SEC14L5: variants seen among roughly 807,000 people sequenced by gnomAD.
The protein encoded by SEC14L5 is SEC14 like lipid binding 5, also known as SEC14-like protein 5.
A neutral mutation model predicts 84.6 loss-of-function variants in SEC14L5; 96 were observed. That is an observed-to-expected ratio of 1.13 (90% CI 0.96 to 1.34). The LOEUF (loss-of-function observed/expected upper bound fraction) is 1.34, where lower values mean the gene tolerates loss of function less well. SEC14L5 is among the 40% of genes most tolerant of loss of function. The pLI is 0.00. For missense variants in SEC14L5, 1,224 were observed against 942.5 expected (o/e 1.30, Z -3.91); for synonymous variants, 546 against 383.4 (o/e 1.42, Z -4.95).
intron 2 of SEC14L5, among the ~76,000 whole-genome samples, chr16:4,964,115 G>C (rs945353301): frequency 1.3e-5 from 2 of 152,204 alleles, no homozygotes; most frequent in Non-Finnish European, 2.9e-5. Flanking sequence ...GAGAGGGTCC[G>C]TCAGTCCTTT....
chr16:4,997,158 G>C (rs763620664), intron 8 of SEC14L5, 114 bp downstream of exon 8: 113 of 704,318 alleles, frequency 1.6e-4, no homozygotes, highest in Admixed American at 2.5e-4. Flanking sequence ...GAGTGCAGTG[G>C]TGCCATCTCG....
rs202039413 is a variant in SEC14L5 at position 4,996,848 on chromosome 16, C to G, written c.781-7C>G. 1.2e-6 allele frequency: 2 copies of G among 1,604,134 alleles called. No individual in the cohort carries two copies. Among genetic ancestry groups the G allele is most frequent in the Non-Finnish European group, 1.7e-6 (2 of 1,175,162 alleles). The stretch of plus-strand genomic sequence containing the variant: ...TTCTGTGGGCTTTTTACTTCTTTGT[C>G]TCTCAGATTCCCAAAGATGAGCACA... On this transcript the variant is annotated splice_region_variant and splice_polypyrimidine_tract_variant and intron_variant, in intron 7 of 15. Coordinates refer to ENST00000251170, the MANE Select transcript of SEC14L5 (RefSeq NM_014692.2).
chr16:4,983,322 TA>T (rs1955446274), intron 2 of SEC14L5, among the ~76,000 whole-genome samples: 1 of 151,646 alleles, frequency 6.6e-6, no homozygotes, highest in Admixed American at 6.6e-5. Flanking sequence ...CATGCCCATA[TA>T]TTTATATATG....
At chr16:4,995,532 G>A (rs886683416) in intron 6 of SEC14L5, among the ~76,000 whole-genome samples, 3 of 152,084 alleles carry the variant, frequency 2.0e-5, no homozygotes, top group African/African-American at 7.2e-5. Flanking sequence ...GTGTTTATCA[G>A]CCACCTCCTT....
At chr16:5,002,360 A>G (rs112581488) in intron 10 of SEC14L5, among the ~76,000 whole-genome samples, 2,957 of 145,446 alleles carry the variant, frequency 0.02, 91 homozygotes, top group African/African-American at 0.071. Context: ...ACAGTGGTGC[A>G]ATCTTGGCTC....
At chr16:4,971,251 G>A (rs2142482232) in intron 2 of SEC14L5, among the ~76,000 whole-genome samples, 2 of 152,340 alleles carry the variant, frequency 1.3e-5, no homozygotes, top group Admixed American at 1.3e-4. Flanking sequence ...GAGCCTAGGA[G>A]TTTGAGAGAC....
chr16:4,999,908 C>T (rs1955656385), intron 8 of SEC14L5, among the ~76,000 whole-genome samples: 1 of 152,008 alleles, frequency 6.6e-6, no homozygotes, highest in South Asian at 2.1e-4. Context: ...CAGTGAGACT[C>T]TGTCTCAAAA....
At position 5,019,019 on chromosome 16, in the gene SEC14L5, C is replaced by T. The variant is rs548658919; in HGVS notation, c.*4049C>T. The stretch of plus-strand genomic sequence containing the variant: ...TAAAACCCTGGAGGTTTCCCGTGGG[C>T]TCGTTCAAGAACTTTCCAGCTGTTG... On this transcript the variant is annotated 3_prime_UTR_variant, in exon 16 of 16. Transcript: ENST00000251170. The T allele has an allele frequency of 2.0e-5, 3 of 152,290 alleles. No homozygotes were observed. The East Asian group carries it at 5.8e-4, about 29-fold the overall frequency. 9.4% of individuals were successfully genotyped at this position (152,290 alleles called of 1,614,324 possible).
Position 5,018,123 on chromosome 16 carries a change from G to T in SEC14L5, c.*3153G>T, listed in dbSNP as rs1475506103. The T allele has an allele frequency of 6.6e-6, 1 of 152,308 alleles. No individual in the cohort carries two copies. The allele number at this position is 152,308 out of a possible 1,614,324, so 9.4% of individuals were successfully genotyped here. On this transcript the variant is annotated 3_prime_UTR_variant, in exon 16 of 16. Transcript: ENST00000251170. The stretch of plus-strand genomic sequence containing the variant: ...CCTCATCTGTAAAGTGAGGATAGCA[G>T]TGCCTACCTCAATAGGTTGTAGTGG...
intron 2 of SEC14L5, among the ~76,000 whole-genome samples, chr16:4,980,004 A>G (rs1407206403): frequency 6.6e-6 from 1 of 152,174 alleles, no homozygotes; most frequent in African/African-American, 2.4e-5. Flanking sequence ...GAGGCAGGAC[A>G]CAGTGATTCA....
At chr16:4,992,776 A>G (rs558538820) in intron 6 of SEC14L5, among the ~76,000 whole-genome samples, 1 of 152,368 alleles carries the variant, frequency 6.6e-6, no homozygotes, top group East Asian at 1.9e-4. Flanking sequence ...CCTAAAGGCT[A>G]ACAATAGTTT....
At chr16:4,963,989 C>G (rs1471341014) in intron 2 of SEC14L5, among the ~76,000 whole-genome samples, 1 of 152,228 alleles carries the variant, frequency 6.6e-6, no homozygotes, top group African/African-American at 2.4e-5. Context: ...GCTCAGCCTT[C>G]CTTTCTTTCT....
intron 2 of SEC14L5, among the ~76,000 whole-genome samples, chr16:4,973,224 C>T (rs1023888741): frequency 1.3e-5 from 2 of 152,238 alleles, no homozygotes; most frequent in African/African-American, 4.8e-5. Flanking sequence ...CTCCCCCACG[C>T]GCCGCCCTTG....
rs370892866 is a variant in SEC14L5 at position 5,014,978 on chromosome 16, C to T, written c.*8C>T. On this transcript the variant is annotated 3_prime_UTR_variant, in exon 16 of 16. Coordinates refer to ENST00000251170, the MANE Select transcript of SEC14L5 (RefSeq NM_014692.2). ...TCCCTGGTCTCCAGATAGCCGGGCC[C>T]AGTGTTTCAGGGCCGCCCGCTCGCC... is the stretch of plus-strand genomic sequence containing the variant. 1.0e-5 allele frequency: 16 copies of T among 1,601,182 alleles called. No homozygotes were observed. Among genetic ancestry groups the T allele is most frequent in the African/African-American group, 8.0e-5 (6 of 74,778 alleles).
chr16:5,012,601 A>G (rs947772332), intron 15 of SEC14L5, among the ~76,000 whole-genome samples: 6 of 152,310 alleles, frequency 3.9e-5, no homozygotes, highest in Non-Finnish European at 8.8e-5. Flanking sequence ...CCGTTTCCAC[A>G]CTGTGAGAAA....
chr16:5,012,229 G>A (rs902704869), intron 15 of SEC14L5, among the ~76,000 whole-genome samples: 6 of 152,132 alleles, frequency 3.9e-5, no homozygotes, highest in South Asian at 4.2e-4. Flanking sequence ...AGTGTGAGGC[G>A]ACAGGCTGAG....
intron 2 of SEC14L5, among the ~76,000 whole-genome samples, chr16:4,964,722 C>A (rs1316734004): frequency 2.0e-5 from 3 of 152,154 alleles, no homozygotes; most frequent in South Asian, 4.1e-4. Flanking sequence ...AGGCGTGAGC[C>A]ACTGTGCCCC....
At chr16:4,970,588 C>T (rs530475929) in intron 2 of SEC14L5, among the ~76,000 whole-genome samples, 5 of 152,284 alleles carry the variant, frequency 3.3e-5, no homozygotes, top group East Asian at 1.9e-4. Context: ...CTAAGTCATC[C>T]GCCCTCCCGG....
chr16:4,969,143 C>T (rs879273005), intron 2 of SEC14L5, among the ~76,000 whole-genome samples: 11 of 152,238 alleles, frequency 7.2e-5, no homozygotes, highest in Admixed American at 2.0e-4. Flanking sequence ...CTCTGATTTG[C>T]GCTGGGAGAA....
Sources: gnomAD v4.1 joint callset for allele counts (sites outside exome capture counted in the v4.1 genomes callset) on GRCh38, gnomAD v4.1.1 for gene constraint, MANE v1.5 for transcripts, NCBI Gene and HGNC (gene_info 2026-07-23, HGNC 2026-07-21) for gene names.